Variants in CSGALNACT1 observed in about 807,000 individuals in gnomAD.
CSGALNACT1 encodes the protein beta4GalNAcT-1.
Under a neutral mutation model 51.0 loss-of-function variants are expected in CSGALNACT1, and 52 were observed. That is an observed-to-expected ratio of 1.02 (90% CI 0.82 to 1.29). The LOEUF is 1.29. CSGALNACT1 is among the 50% of genes most tolerant of loss of function. CSGALNACT1 has a pLI of 0.00. For missense variants in CSGALNACT1, 935 were observed against 679.2 expected (o/e 1.38, Z -4.19); for synonymous variants, 341 against 254.4 (o/e 1.34, Z -3.24).
At chr8:19,695,825 G>C (rs1219194888) in intron 1 of CSGALNACT1, among the ~76,000 whole-genome samples, 1 of 152,042 alleles carries the variant, frequency 6.6e-6, no homozygotes, top group Non-Finnish European at 1.5e-5. Flanking sequence ...AGGAGATTTT[G>C]TAATATTTCT....
Position 19,573,143 on chromosome 8 carries a change from A to G in CSGALNACT1, c.-297+18017T>C, listed in dbSNP as rs777802719. On this transcript the variant is annotated intron_variant, in intron 3 of 9. Coordinates refer to ENST00000454498, the Ensembl canonical transcript of CSGALNACT1. Reference sequence around the variant, plus strand: ...CATTCGGAGGTTTTACTTTGATCTCAAGACATGAAAAAGATTAAGTCAGCT... The same window carrying G: ...CATTCGGAGGTTTTACTTTGATCTCGAGACATGAAAAAGATTAAGTCAGCT... 3.6e-4 allele frequency among the ~76,000 whole-genome samples: 55 copies of G among 152,344 alleles called. 1 individual carries two copies. The highest frequency in any genetic ancestry group is 7.6e-4 in the Non-Finnish European group (52 of 68,036).
chr8:19,685,986 G>C (rs952151721), upstream of CSGALNACT1, among the ~76,000 whole-genome samples: 1 of 152,182 alleles, frequency 6.6e-6, no homozygotes, highest in Non-Finnish European at 1.5e-5. Flanking sequence ...AAACAATCGC[G>C]TAAGTACACA....
chr8:19,408,558 G>C, intron 9 of CSGALNACT1, 55 bp downstream of exon 8: 2 of 1,317,656 alleles, frequency 1.5e-6, no homozygotes, highest in Non-Finnish European at 2.1e-6. Flanking sequence ...ATTCCTTCAA[G>C]GCCTACATGG....
chr8:19,619,701 A>C (rs1035508207), intron 1 of CSGALNACT1, among the ~76,000 whole-genome samples: 1 of 152,196 alleles, frequency 6.6e-6, no homozygotes, highest in Non-Finnish European at 1.5e-5. Context: ...ACAGTTTTGA[A>C]CTGTTGAACA....
Position 19,733,458 on chromosome 8 carries a change from ATAAC to A in CSGALNACT1, c.-297+24388_-297+24391del, listed in dbSNP as rs552467919. 9.4e-4 allele frequency among the ~76,000 whole-genome samples: 143 copies of A among 152,182 alleles called. 1 individual carries two copies. Among genetic ancestry groups the A allele is most frequent in the Non-Finnish European group, 1.5e-4 (10 of 67,906 alleles). On this transcript the variant is annotated intron_variant, in intron 1 of 1. Transcript: ENST00000517494. Reference sequence around the variant, plus strand: ...AGAATAAATCAATTCCCTATGCAGGATAACTACCAAATCAACACCATTGTCTCAA... The same window carrying A: ...AGAATAAATCAATTCCCTATGCAGGATACCAAATCAACACCATTGTCTCAA...
chr8:19,747,242 T>G lies in CSGALNACT1; in HGVS notation c.-297+10608A>C, dbSNP rs76513232. The stretch of plus-strand genomic sequence containing the variant: ...CAGTTGGTTCAAGAGGTCAATGTCT[T>G]GAGTAGGAGAGAAAGCAAAAAAAAA... On this transcript the variant is annotated intron_variant, in intron 1 of 1. Coordinates refer to the CSGALNACT1 transcript ENST00000517494. 2.5e-3 allele frequency among the ~76,000 whole-genome samples: 371 copies of G among 151,100 alleles called. 3 individuals carry two copies. The highest frequency in any genetic ancestry group is 8.0e-3 in the African/African-American group (329 of 41,254).
chr8:19,520,899 C>A (rs550880882), intron 3 of CSGALNACT1, among the ~76,000 whole-genome samples: 2 of 152,184 alleles, frequency 1.3e-5, no homozygotes. Context: ...GTCTCTAGTC[C>A]GGTGTTGTCT....
intron 1 of CSGALNACT1, among the ~76,000 whole-genome samples, chr8:19,614,550 T>C (rs1404850215): frequency 6.6e-6 from 1 of 152,228 alleles, no homozygotes; most frequent in Non-Finnish European, 1.5e-5. Flanking sequence ...TGTTATACTC[T>C]TCTATAACCA....
intron 4 of CSGALNACT1, among the ~76,000 whole-genome samples, chr8:19,480,246 G>A (rs1229141697): frequency 6.6e-6 from 1 of 151,978 alleles, no homozygotes; most frequent in Non-Finnish European, 1.5e-5. Context: ...ATTTTTCCTG[G>A]TCCTCTCCTT....
rs567941203 is a variant in CSGALNACT1 at position 19,625,747 on chromosome 8, G to A, written c.-543-23882C>T. Among the ~76,000 whole-genome samples the A allele has an allele frequency of 5.3e-5, 8 of 152,278 alleles. No homozygotes were observed. The East Asian group carries it at 5.8e-4, about 11-fold the overall frequency. On this transcript the variant is annotated intron_variant, in intron 1 of 9. Coordinates refer to the CSGALNACT1 transcript ENST00000332246. Reference sequence around the variant, plus strand: ...GAAGTAAGATTCAGTAGGCTTAAGAGAGGGGGCCTTAAGGCAAGTGGAAAA... The same window carrying A: ...GAAGTAAGATTCAGTAGGCTTAAGAAAGGGGGCCTTAAGGCAAGTGGAAAA...
chr8:19,736,853 T>C (rs1402048076), intron 1 of CSGALNACT1, among the ~76,000 whole-genome samples: 5 of 152,034 alleles, frequency 3.3e-5, no homozygotes, highest in Admixed American at 3.3e-4. Context: ...AAAGAAATAA[T>C]GGCTGAGAAT....
chr8:19,513,202 A>T (rs1020739086), intron 3 of CSGALNACT1, among the ~76,000 whole-genome samples: 7 of 152,028 alleles, frequency 4.6e-5, no homozygotes, highest in African/African-American at 1.7e-4. Context: ...ACCATGCACT[A>T]GACACTGAAT....
rs2069309578 is a variant in CSGALNACT1 at position 19,475,393 on chromosome 8, T to C, written c.635-16751A>G. 2.0e-5 allele frequency among the ~76,000 whole-genome samples: 3 copies of C among 152,184 alleles called. No individual in the cohort carries two copies. The South Asian group carries it at 6.2e-4, about 32-fold the overall frequency. On this transcript the variant is annotated intron_variant, in intron 4 of 9. Coordinates refer to ENST00000454498, the Ensembl canonical transcript of CSGALNACT1. ...ATCTTGGTTTGGTGGTTTGCTTCTA[T>C]GTTCAGACAATCCCTACAGCTAAAA...
chr8:19,407,044 T>G (rs571424681), intron 9 of CSGALNACT1, among the ~76,000 whole-genome samples: 8 of 152,250 alleles, frequency 5.3e-5, no homozygotes, highest in South Asian at 2.1e-4. Context: ...GGGAAGCTGA[T>G]TTGCACATAA....
At chr8:19,647,460 T>G (rs1302076249) in intron 1 of CSGALNACT1, among the ~76,000 whole-genome samples, 1 of 152,238 alleles carries the variant, frequency 6.6e-6, no homozygotes, top group African/African-American at 2.4e-5. Context: ...GCCATGTGTT[T>G]ATCTGTATCT....
intron 2 of CSGALNACT1, among the ~76,000 whole-genome samples, chr8:19,599,484 G>GAAAGAAAA (rs2049845157): frequency 5.4e-5 from 3 of 55,992 alleles, no homozygotes; most frequent in Admixed American, 3.3e-4. Flanking sequence ...AAGAAAGAAA[G>GAAAGAAAA]AAAGAAAGAA....
chr8:19,693,754 C>G (rs1359732897), intron 1 of CSGALNACT1, among the ~76,000 whole-genome samples: 1 of 152,120 alleles, frequency 6.6e-6, no homozygotes, highest in Admixed American at 6.5e-5. Context: ...CAATATTCAC[C>G]TAACTCCAGC....
intron 3 of CSGALNACT1, among the ~76,000 whole-genome samples, chr8:19,569,704 G>C (rs1251826689): frequency 6.6e-6 from 1 of 152,046 alleles, no homozygotes; most frequent in Non-Finnish European, 1.5e-5. Context: ...ATAAACCTAG[G>C]CCTATGCTAT....
intron 1 of CSGALNACT1, among the ~76,000 whole-genome samples, chr8:19,624,676 G>GTTT (rs552913018): frequency 6.9e-6 from 1 of 144,364 alleles, no homozygotes; most frequent in African/African-American, 2.5e-5. Flanking sequence ...CCATCTTCTT[G>GTTT]TTTTTTTTTT....
Sources: gnomAD v4.1 joint callset for allele counts (sites outside exome capture counted in the v4.1 genomes callset) on GRCh38, gnomAD v4.1.1 for gene constraint, MANE v1.5 for transcripts, NCBI Gene and HGNC (gene_info 2026-07-23, HGNC 2026-07-21) for gene names.